FHIP1B: variants seen among roughly 807,000 people sequenced by gnomAD.
FHIP1B encodes FHF complex subunit HOOK interacting protein 1B.
Under a neutral mutation model 82.2 loss-of-function variants are expected in FHIP1B, and 28 were observed. The observed-to-expected ratio is 0.34, with a 90% CI of 0.25 to 0.47. FHIP1B has a LOEUF of 0.47. Ranked by LOEUF, FHIP1B falls within the 20% of genes least tolerant of loss-of-function variation. The pLI is 1.00. For missense variants in FHIP1B, 1,110 were observed against 1,262.6 expected (o/e 0.88, Z 1.83); for synonymous variants, 585 against 516.1 (o/e 1.13, Z -1.81).
Position 6,218,683 on chromosome 11 carries a change from T to A in FHIP1B, c.1352A>T (p.Asp451Val). ...RDVDLYGRAA[D>V]KFLSLIPRCC... Reference sequence around the variant, plus strand: ...GCGTGGGATTAGGGAGAGAAACTTGTCAGCTGCTCGTCCATATAGGTCCAC... The same window carrying A: ...GCGTGGGATTAGGGAGAGAAACTTGACAGCTGCTCGTCCATATAGGTCCAC... The change falls in exon 8 of 12, where the codon GAC becomes GTC. Residue 451 changes from aspartate (D) to valine (V), a missense_variant. By Grantham distance (152) the Asp-to-Val change is radical. Coordinates refer to ENST00000449352, the MANE Select transcript of FHIP1B (RefSeq NM_001098794.2). 2 of 1,614,094 alleles carry A rather than the reference T, an allele frequency of 1.2e-6. No individual in the cohort carries two copies. Among genetic ancestry groups the A allele is most frequent in the Non-Finnish European group, 8.5e-7 (1 of 1,180,010 alleles).
chr11:6,216,245 T>C (rs1420871073), intron 9 of FHIP1B, among the ~76,000 whole-genome samples: 1 of 152,258 alleles, frequency 6.6e-6, no homozygotes, highest in Non-Finnish European at 1.5e-5. Context: ...GCCCTGGTGC[T>C]GTATGAGCAG....
rs1262436821 is a variant in FHIP1B at position 6,223,667 on chromosome 11, C to T, written c.720G>A (p.Leu240=). The change falls in exon 3 of 12, where the codon TTG becomes TTA. Residue 240 remains leucine (L), a synonymous_variant. Coordinates refer to ENST00000449352, the MANE Select transcript of FHIP1B (RefSeq NM_001098794.2). The surrounding 1 kb of genome is among the most constrained non-coding windows in gnomAD (Gnocchi z 4.8). ...GGCCCACAGTGGGGCTCCCAGCTGACAAAGCCATGAGAAGAAGTAGGGCAT... is the reference window on the plus strand; with the variant it reads ...GGCCCACAGTGGGGCTCCCAGCTGATAAAGCCATGAGAAGAAGTAGGGCAT... ...ARDALLLLMA[L]SAGSPTVGRY... 6.2e-7 allele frequency: 1 copy of T among 1,612,400 alleles called. No homozygotes were observed. The highest frequency in any genetic ancestry group is 8.5e-7 in the Non-Finnish European group (1 of 1,178,922).
At chr11:6,216,212 A>G (rs1215830429) in intron 9 of FHIP1B, among the ~76,000 whole-genome samples, 5 of 152,234 alleles carry the variant, frequency 3.3e-5, no homozygotes, top group African/African-American at 4.8e-5. Context: ...AGAAGAGGGA[A>G]TTGGCACAAC....
At position 6,211,520 on chromosome 11, in the gene FHIP1B, G is replaced by C. The variant is rs546272121; in HGVS notation, c.2905C>G (p.Pro969Ala). ...GSGPLISGCG[P>A]LNP Reference sequence around the variant, plus strand: ...ATGGAAGAAAGTTAAGGATTGAGGGGCCCACAGCCTGAGATGAGAGGGCCA... The same window carrying C: ...ATGGAAGAAAGTTAAGGATTGAGGGCCCCACAGCCTGAGATGAGAGGGCCA... The change falls in exon 12 of 12, where the codon CCC (proline) becomes GCC (alanine). Residue 969 changes from proline to alanine, a missense_variant. Pro to Ala is a conservative substitution (Grantham distance 27). Coordinates refer to ENST00000449352, the MANE Select transcript of FHIP1B (RefSeq NM_001098794.2). 3 of 1,600,396 alleles carry C rather than the reference G, an allele frequency of 1.9e-6. No individual in the cohort carries two copies. Among genetic ancestry groups the C allele is most frequent in the Non-Finnish European group, 2.6e-6 (3 of 1,174,122 alleles).
chr11:6,211,467 C>G lies in FHIP1B; in HGVS notation c.*39G>C. The G allele has an allele frequency of 6.5e-7, 1 of 1,529,066 alleles. No homozygotes were observed. The highest frequency in any genetic ancestry group is 2.3e-5 in the Admixed American group (1 of 44,338). 94.7% of individuals were successfully genotyped at this position (1,529,066 alleles called of 1,614,324 possible). On this transcript the variant is annotated 3_prime_UTR_variant, in exon 12 of 12. Transcript: ENST00000449352. Reference sequence around the variant, plus strand: ...AAAGGAGCCTGTGCCCTAGCCCCAGCCCGGGCCACCCATGGCCCTGATTGT... The same window carrying G: ...AAAGGAGCCTGTGCCCTAGCCCCAGGCCGGGCCACCCATGGCCCTGATTGT...
chr11:6,227,936 T>G (rs897680174), intron 1 of FHIP1B, among the ~76,000 whole-genome samples: 3 of 152,192 alleles, frequency 2.0e-5, no homozygotes, highest in African/African-American at 7.2e-5. Context: ...TCAAGTAGAA[T>G]GAAGACTAAA....
At chr11:6,214,631 T>G in intron 10 of FHIP1B, 58 bp from the exon 11 acceptor site, 1 of 1,564,772 alleles carries the variant, frequency 6.4e-7, no homozygotes, top group Non-Finnish European at 8.7e-7. Context: ...CAGTCCTTTC[T>G]AGTCCCACTG....
chr11:6,220,890 A>G (rs892828704), intron 6 of FHIP1B, among the ~76,000 whole-genome samples: 2 of 152,240 alleles, frequency 1.3e-5, no homozygotes, highest in Non-Finnish European at 2.9e-5. Context: ...ATTTCAGCAT[A>G]ATGAGGGAAA....
chr11:6,228,674 C>G (rs900854864), intron 1 of FHIP1B, among the ~76,000 whole-genome samples: 12 of 152,198 alleles, frequency 7.9e-5, no homozygotes, highest in African/African-American at 2.7e-4. Context: ...ACCCCACCTT[C>G]CCTCCCTCAC....
At chr11:6,212,031 T>C in intron 11 of FHIP1B, 164 bp from the exon 12 acceptor site, 1 of 907,830 alleles carries the variant, frequency 1.1e-6, no homozygotes, top group Non-Finnish European at 1.3e-6. Flanking sequence ...CAGGTACCAT[T>C]TCCTGTCCCA....
Position 6,217,731 on chromosome 11 carries a change from G to T in FHIP1B, c.1855C>A (p.Arg619=). The T allele has an allele frequency of 1.6e-6, 1 of 640,672 alleles. No individual in the cohort carries two copies. Among genetic ancestry groups the T allele is most frequent in the East Asian group, 4.0e-5 (1 of 24,876 alleles). 39.7% of individuals were successfully genotyped at this position (640,672 alleles called of 1,614,324 possible). A position where few individuals can be genotyped will look rare whatever the true frequency, so the allele number is the denominator to read the frequency against. ...GEEEELGRRG[R]AGGAGEGPGH... ...GGGCCCTCCCCTGCACCCCCAGCCCGCCCCCTCCTCCCCAGCTCTTCCTCC... is the reference window on the plus strand; with the variant it reads ...GGGCCCTCCCCTGCACCCCCAGCCCTCCCCCTCCTCCCCAGCTCTTCCTCC... Residue 619 remains arginine (R), a synonymous_variant, in exon 9 of 12, where the codon CGG becomes AGG. Transcript: ENST00000449352.
At position 6,223,830 on chromosome 11, in the gene FHIP1B, C is replaced by T; in HGVS notation, c.557G>A (p.Cys186Tyr). ...LVLLLSQLCV[C>Y]VAQEPSLLEF... ...GAGCAATGAAGGCTCCTGGGCCACA[C>T]AAACACACAGCTGGCTGAGAAGTAG... The change falls in exon 3 of 12, where the codon TGT becomes TAT. Residue 186 changes from cysteine to tyrosine, a missense_variant. Physicochemically the swap from Cys to Tyr is radical, Grantham distance 194. Around this residue, in one of 6 missense-constraint regions of FHIP1B, gnomAD observed 467 missense variants for 602.9 expected, o/e 0.77. Coordinates refer to ENST00000449352, the MANE Select transcript of FHIP1B (RefSeq NM_001098794.2). This position sits in a 1 kb window ranked among gnomAD's most constrained non-coding sequence, Gnocchi z 4.8. 1.2e-6 allele frequency: 2 copies of T among 1,614,222 alleles called. No homozygotes were observed. The highest frequency in any genetic ancestry group is 3.3e-5 in the Admixed American group (2 of 60,034).
intron 9 of FHIP1B, chr11:6,215,374 T>A (rs1321263167): frequency 6.5e-6 from 1 of 152,810 alleles, no homozygotes; most frequent in Non-Finnish European, 1.5e-5. Flanking sequence ...AATTACATAT[T>A]GTTTTTATAA....
In FHIP1B at chr11:6,224,465, G is replaced by C. The variant is rs548925901; in HGVS notation, c.52C>G (p.Arg18Gly). ...TGGAGATTGGCCCCTTGAGGTATAC[G>C]GTGCCCAGGGCCCCGGGAGGCCAGT... Reference protein sequence around the residue: ...SRLASRGPGHRIPQGANLQTP... With the variant: ...SRLASRGPGHGIPQGANLQTP... The change falls in exon 2 of 12, where the codon CGT becomes GGT. Residue 18 changes from arginine (R) to glycine (G), a missense_variant. Arg to Gly is a moderately radical substitution (Grantham distance 125). This residue lies in a region of FHIP1B where 467 missense variants were observed against 602.9 expected (regional missense o/e 0.77). Transcript: ENST00000449352. 6.2e-7 allele frequency: 1 copy of C among 1,614,008 alleles called. No individual in the cohort carries two copies. The highest frequency in any genetic ancestry group is 2.2e-5 in the East Asian group (1 of 44,892).
intron 11 of FHIP1B, among the ~76,000 whole-genome samples, chr11:6,214,140 C>G (rs1031020277): frequency 6.6e-6 from 1 of 150,388 alleles, no homozygotes; most frequent in African/African-American, 2.4e-5. Context: ...CTTTACTAAG[C>G]TGTAATAATA....
At chr11:6,216,347 T>C (rs1005743271) in intron 9 of FHIP1B, among the ~76,000 whole-genome samples, 4 of 152,216 alleles carry the variant, frequency 2.6e-5, no homozygotes, top group Admixed American at 2.0e-4. Context: ...GTGTTTGCCT[T>C]AGTCAACTTA....
At chr11:6,233,039 G>A (rs1367202857) in intron 1 of FHIP1B, among the ~76,000 whole-genome samples, 1 of 152,202 alleles carries the variant, frequency 6.6e-6, no homozygotes, top group Non-Finnish European at 1.5e-5. Context: ...TTGGTCCAGT[G>A]TTTAGGAACC....
rs1271131401 is a variant in FHIP1B, at chr11:6,221,961, G to A, written c.1191+481C>T. Among the ~76,000 whole-genome samples, 5 of 152,182 alleles carry A rather than the reference G, an allele frequency of 3.3e-5. No individual in the cohort carries two copies. The East Asian group carries it at 5.8e-4, about 18-fold the overall frequency. On this transcript the variant is annotated intron_variant, in intron 6 of 11. Coordinates refer to ENST00000449352, the MANE Select transcript of FHIP1B (RefSeq NM_001098794.2). ...GTAAAAATGTTTAGGAGGAAGGACC[G>A]AAAGTAGATAGGTGGGTGGATGAGT... is the stretch of plus-strand genomic sequence containing the variant.
chr11:6,217,912 T>G lies in FHIP1B; in HGVS notation c.1674A>C (p.Ala558=). ...GGACACAGCGGTCCACACCACGACG[T>G]GCCTCACGCAGATACTCCAGGTAAT... ...EDNYLEYLRE[A]RRGVDRCVRA... is the part of the protein sequence containing the mutation. The change falls in exon 9 of 12, where the codon GCA becomes GCC. Residue 558 remains alanine, a synonymous_variant. Transcript: ENST00000449352. 1 of 1,612,818 alleles carries G rather than the reference T, an allele frequency of 6.2e-7. No homozygotes were observed.
Sources: gnomAD v4.1 joint callset for allele counts (sites outside exome capture counted in the v4.1 genomes callset) on GRCh38, gnomAD v4.1.1 for gene constraint, gnomAD v4.1.1 regional missense constraint, Gnocchi (gnomAD v3.1) non-coding constraint, MANE v1.5 for transcripts, NCBI Gene and HGNC (gene_info 2026-07-23, HGNC 2026-07-21) for gene names.